PNKD: variants seen among roughly 807,000 people sequenced by gnomAD.
The protein encoded by PNKD is PNKD metallo-beta-lactamase domain containing, also known as probable thioesterase PNKD.
A neutral mutation model predicts 45.3 loss-of-function variants in PNKD; 36 were observed. The ratio of observed to expected loss-of-function variants is 0.80; its 90% CI spans 0.61 to 1.05. PNKD has a LOEUF of 1.05. Among genes scored for constraint, PNKD ranks in the 50% least tolerant of loss-of-function variants. The pLI is 0.00. For synonymous variants in PNKD, 197 were observed against 210.1 expected (o/e 0.94, Z 0.54); for missense variants, 511 against 506.6 (o/e 1.01, Z -0.08).
At chr2:218,327,961 T>TTAAAA (rs1559527052) in intron 2 of PNKD, 2 of 4,102 alleles carry the variant, frequency 4.9e-4, no homozygotes, top group East Asian at 7.9e-3. Context: ...AAACTCCATC[T>TTAAAA]GAAAAAAAAA....
chr2:218,287,956 G>A (rs142277952), intron 2 of PNKD, among the ~76,000 whole-genome samples: 11 of 152,356 alleles, frequency 7.2e-5, no homozygotes, highest in East Asian at 1.9e-4. Flanking sequence ...CCCAAGTCAG[G>A]ATGGCCTGGG....
In PNKD at chr2:218,345,063, A is replaced by T; in HGVS notation, c.*82A>T. 2 of 1,079,626 alleles carry T rather than the reference A, an allele frequency of 1.9e-6. No individual in the cohort carries two copies. Among genetic ancestry groups the T allele is most frequent in the Non-Finnish European group, 2.7e-6 (2 of 735,970 alleles). 66.9% of individuals were successfully genotyped at this position (1,079,626 alleles called of 1,614,324 possible). Reference sequence around the variant, plus strand: ...ACACCTCATCATCCTTCTCATCGCTAACACCACCACCTCCATCGGCACCCA... The same window carrying T: ...ACACCTCATCATCCTTCTCATCGCTTACACCACCACCTCCATCGGCACCCA... On this transcript the variant is annotated 3_prime_UTR_variant, in exon 10 of 10. Transcript: ENST00000273077.
rs529875532 is a variant in PNKD, at chr2:218,278,907, C to T, written c.236+7358C>T. On this transcript the variant is annotated intron_variant, in intron 2 of 9. Transcript: ENST00000273077. ...GCACGCACACCCACACCCTCTGGCA[C>T]GGGAAACTGGCACCAACTTGGGGGC... 1.1e-3 allele frequency: 1,148 copies of T among 1,040,312 alleles called. 4 individuals carry two copies. Among genetic ancestry groups the T allele is most frequent in the Middle Eastern group, 4.7e-3 (21 of 4,432 alleles). The allele number at this position is 1,040,312 out of a possible 1,614,324, so 64.4% of individuals were successfully genotyped here.
At chr2:218,305,785 A>G (rs1191161630) in intron 2 of PNKD, among the ~76,000 whole-genome samples, 3 of 152,174 alleles carry the variant, frequency 2.0e-5, no homozygotes, top group Admixed American at 2.0e-4. Context: ...GTCTGGAGTT[A>G]GAGTAGTGAC....
chr2:218,303,080 C>A (rs796422473), intron 2 of PNKD, among the ~76,000 whole-genome samples: 2 of 152,272 alleles, frequency 1.3e-5, no homozygotes, highest in African/African-American at 4.8e-5. Flanking sequence ...GCTGGGATTA[C>A]AGGTGCCCAC....
At chr2:218,272,476 T>C in intron 2 of PNKD, 7 of 1,150,048 alleles carry the variant, frequency 6.1e-6, no homozygotes, top group Non-Finnish European at 7.9e-6. Flanking sequence ...ATTGCAGCAT[T>C]CATGCAACTG....
chr2:218,314,782 T>G, intron 2 of PNKD, among the ~76,000 whole-genome samples: 1 of 151,462 alleles, frequency 6.6e-6, no homozygotes, highest in Non-Finnish European at 1.5e-5. Context: ...CTCCACCTCC[T>G]GGGTTCAAGC....
chr2:218,315,816 A>G (rs1371339850), intron 2 of PNKD, among the ~76,000 whole-genome samples: 1 of 152,226 alleles, frequency 6.6e-6, no homozygotes, highest in Non-Finnish European at 1.5e-5. Flanking sequence ...TTCCAGCATC[A>G]TTAATATTCT....
chr2:218,284,798 T>A lies in PNKD; in HGVS notation c.236+13249T>A, dbSNP rs555906286. ...TTGCTATAAAAATTAAGTGAGAAAA[T>A]ACACATAGAAGGCTGGGCACAGTGG... On this transcript the variant is annotated intron_variant, in intron 2 of 9. Coordinates refer to ENST00000273077, the MANE Select transcript of PNKD (RefSeq NM_015488.5). Among the ~76,000 whole-genome samples, 6 of 152,284 alleles carry A rather than the reference T, an allele frequency of 3.9e-5. No homozygotes were observed. In the South Asian group the frequency reaches 1.2e-3, roughly 32 times the overall value.
chr2:218,287,557 A>G (rs114111206), intron 2 of PNKD, among the ~76,000 whole-genome samples: 228 of 152,256 alleles, frequency 1.5e-3, no homozygotes, highest in Non-Finnish European at 2.4e-3. Flanking sequence ...AAAAATACAA[A>G]AAATTAGCTG....
intron 2 of PNKD, among the ~76,000 whole-genome samples, chr2:218,338,961 C>A (rs1179043363): frequency 6.7e-6 from 1 of 149,522 alleles, no homozygotes; most frequent in Non-Finnish European, 1.5e-5. Flanking sequence ...CCCAGCTATT[C>A]TTTTTTTTGT....
chr2:218,279,261 G>C, intron 2 of PNKD: 3 of 1,565,560 alleles, frequency 1.9e-6, no homozygotes, highest in Non-Finnish European at 2.6e-6. Flanking sequence ...AGGGCAGTAG[G>C]AGTGGGTGGC....
At chr2:218,341,874 A>G in intron 6 of PNKD, 107 bp from the exon 7 acceptor site, 1 of 948,488 alleles carries the variant, frequency 1.1e-6, no homozygotes, top group South Asian at 1.4e-5. Context: ...TTTTGTATGG[A>G]AGCCCACTCT....
intron 2 of PNKD, among the ~76,000 whole-genome samples, chr2:218,282,898 C>T (rs1052978461): frequency 6.6e-6 from 1 of 152,172 alleles, no homozygotes. Context: ...CAAATAACAG[C>T]GGTGGCGTGT....
At chr2:218,300,325 C>G (rs1693242448) in intron 2 of PNKD, among the ~76,000 whole-genome samples, 1 of 152,172 alleles carries the variant, frequency 6.6e-6, no homozygotes, top group Non-Finnish European at 1.5e-5. Flanking sequence ...ACAGTCCCTT[C>G]TGAACTCCCA....
rs1048980006 is a variant in PNKD, at chr2:218,277,883, G to A, written c.236+6334G>A. 57 of 1,610,996 alleles carry A rather than the reference G, an allele frequency of 3.5e-5. No homozygotes were observed. In the South Asian group the frequency reaches 5.9e-4, roughly 17 times the overall value. On this transcript the variant is annotated intron_variant, in intron 2 of 9. Coordinates refer to ENST00000273077, the MANE Select transcript of PNKD (RefSeq NM_015488.5). ...ATGGGTCCCCATCCCTTCCCTGGGA[G>A]CAGTCTCCCTCACAGCATCTCCACA...
intron 2 of PNKD, among the ~76,000 whole-genome samples, chr2:218,281,339 G>A (rs1054694231): frequency 1.4e-4 from 21 of 152,074 alleles, no homozygotes; most frequent in African/African-American, 4.8e-4. Context: ...GTTTTGCCAT[G>A]TTGGCCAGGC....
At chr2:218,275,420 G>A (rs1293223927) in intron 2 of PNKD, 5 of 1,576,798 alleles carry the variant, frequency 3.2e-6, no homozygotes, top group Non-Finnish European at 4.3e-6. Context: ...ATAGGGCCCA[G>A]CCCTCTAGCT....
chr2:218,295,931 C>T (rs563547717), intron 2 of PNKD, among the ~76,000 whole-genome samples: 28 of 151,652 alleles, frequency 1.8e-4, no homozygotes, highest in Non-Finnish European at 1.8e-4. Flanking sequence ...CGGCAACCTC[C>T]ACCTCCCAGG....
Sources: gnomAD v4.1 joint callset for allele counts (sites outside exome capture counted in the v4.1 genomes callset) on GRCh38, gnomAD v4.1.1 for gene constraint, MANE v1.5 for transcripts, NCBI Gene and HGNC (gene_info 2026-07-23, HGNC 2026-07-21) for gene names.